The following LIMCH1 variants were observed in gnomAD, a reference collection of about 807,000 sequenced individuals.
LIMCH1 encodes the protein LIM and calponin homology domains 1.
LIMCH1 carries 113 observed loss-of-function variants against 176.5 expected under a neutral mutation model. That is an observed-to-expected ratio of 0.64 (90% CI 0.55 to 0.75). LIMCH1 has a LOEUF of 0.75. Among genes scored for constraint, LIMCH1 ranks in the 30% least tolerant of loss-of-function variants. The pLI is 0.00. For synonymous variants in LIMCH1, 619 were observed against 645.9 expected (o/e 0.96, Z 0.63); for missense variants, 1,674 against 1,814.9 (o/e 0.92, Z 1.41).
At chr4:41,465,892 A>G (rs946878263) in intron 1 of LIMCH1, among the ~76,000 whole-genome samples, 5 of 151,378 alleles carry the variant, frequency 3.3e-5, no homozygotes, top group Non-Finnish European at 7.4e-5. Context: ...TTCACACTAC[A>G]GTGGCAGTTG....
intron 18 of LIMCH1, among the ~76,000 whole-genome samples, chr4:41,653,440 A>C (rs1354685472): frequency 6.6e-6 from 1 of 151,976 alleles, no homozygotes; most frequent in Non-Finnish European, 1.5e-5. Context: ...ACCAGCTTGG[A>C]CTTCATTTTC....
intron 1 of LIMCH1, among the ~76,000 whole-genome samples, chr4:41,395,691 A>AT (rs891406834): frequency 4.6e-5 from 7 of 151,728 alleles, no homozygotes; most frequent in African/African-American, 4.8e-5. Context: ...TCTTGAGTGT[A>AT]TTTTTTTTCT....
chr4:41,453,224 C>T (rs948507406), intron 1 of LIMCH1, among the ~76,000 whole-genome samples: 2 of 151,988 alleles, frequency 1.3e-5, no homozygotes, highest in Admixed American at 6.6e-5. Context: ...TATGAGATAC[C>T]GTATATATAG....
At chr4:41,541,616 C>A (rs2078660132) in intron 1 of LIMCH1, among the ~76,000 whole-genome samples, 1 of 152,168 alleles carries the variant, frequency 6.6e-6, no homozygotes, top group South Asian at 2.1e-4. Context: ...GGTAAATCAC[C>A]AATGTGAATT....
chr4:41,476,072 A>G (rs2154163826), intron 1 of LIMCH1, among the ~76,000 whole-genome samples: 1 of 152,264 alleles, frequency 6.6e-6, no homozygotes, highest in Non-Finnish European at 1.5e-5. Flanking sequence ...CCTGGGCTCA[A>G]GTGATCCTCC....
chr4:41,564,891 C>T lies in LIMCH1; in HGVS notation c.-241+26541C>T, dbSNP rs186092669. On this transcript the variant is annotated intron_variant, in intron 1 of 31. Transcript: ENST00000503057. The stretch of plus-strand genomic sequence containing the variant: ...TTTATAAGGGGCTTCCGCCTTTACT[C>T]AGCACTCATTTCTCTCTCCTACTGC... Among the ~76,000 whole-genome samples the T allele has an allele frequency of 9.1e-4, 138 of 152,274 alleles. 4 individuals carry two copies. The highest frequency in any genetic ancestry group is 6.7e-3 in the Admixed American group (102 of 15,282).
At chr4:41,429,293 A>G (rs1223387988) in intron 1 of LIMCH1, among the ~76,000 whole-genome samples, 1 of 149,870 alleles carries the variant, frequency 6.7e-6, no homozygotes, top group Non-Finnish European at 1.5e-5. Context: ...TCTTTTTCTT[A>G]TTTGTGCTTC....
chr4:41,554,527 C>A (rs1277852099), intron 1 of LIMCH1, among the ~76,000 whole-genome samples: 3 of 152,146 alleles, frequency 2.0e-5, no homozygotes, highest in Non-Finnish European at 2.9e-5. Context: ...CCAGTAAAAA[C>A]TGCAGGGGAA....
chr4:41,524,490 G>C, intron 3 of LIMCH1: 1 of 1,593,726 alleles, frequency 6.3e-7, no homozygotes, highest in Non-Finnish European at 8.6e-7. Context: ...TGAGTACGTG[G>C]AATTGAGATT....
At chr4:41,416,663 CA>C (rs78666210) in intron 1 of LIMCH1, among the ~76,000 whole-genome samples, 79,152 of 130,098 alleles carry the variant, frequency 0.61, 24,501 homozygotes, top group East Asian at 0.81. Flanking sequence ...ATCTCAAAAA[CA>C]AAAAAAAAAA....
At chr4:41,479,089 C>G (rs1476774490) in intron 1 of LIMCH1, among the ~76,000 whole-genome samples, 1 of 152,102 alleles carries the variant, frequency 6.6e-6, no homozygotes, top group Non-Finnish European at 1.5e-5. Context: ...CTAGTTTCAA[C>G]AATTGTTAGA....
intron 29 of LIMCH1, among the ~76,000 whole-genome samples, chr4:41,688,362 A>G (rs1722609472): frequency 1.3e-5 from 2 of 152,228 alleles, no homozygotes; most frequent in Non-Finnish European, 2.9e-5. Context: ...ACTTCTGGAC[A>G]TTAGCTGGGC....
intron 2 of LIMCH1, among the ~76,000 whole-genome samples, chr4:41,508,145 G>A (rs2074406186): frequency 6.6e-6 from 1 of 152,182 alleles, no homozygotes; most frequent in Non-Finnish European, 1.5e-5. Context: ...TGGGGCAATG[G>A]TATGAGATCA....
At chr4:41,697,072 G>A (rs1214374395) in intron 31 of LIMCH1, 88 bp from the exon 32 acceptor site, 3 of 1,344,280 alleles carry the variant, frequency 2.2e-6, no homozygotes, top group Non-Finnish European at 3.2e-6. Context: ...TTTGGTAAAG[G>A]CAGTTGCTCA....
In LIMCH1 at chr4:41,538,296, C is replaced by T; in HGVS notation, c.-295C>T. On this transcript the variant is annotated 5_prime_UTR_variant, in exon 1 of 32. Transcript: ENST00000503057. ...GAGCACACAGGAGAGATGCCCCTCC[C>T]ATCTCCCAGAGTGGGTTGGCTGGAG... 1 of 985,416 alleles carries T rather than the reference C, an allele frequency of 1.0e-6. No individual in the cohort carries two copies. Among genetic ancestry groups the T allele is most frequent in the Non-Finnish European group, 1.2e-6 (1 of 829,944 alleles). The allele number at this position is 985,416 out of a possible 1,614,324, so 61.0% of individuals were successfully genotyped here.
chr4:41,635,611 C>T (rs1248137268), intron 13 of LIMCH1, among the ~76,000 whole-genome samples: 2 of 152,146 alleles, frequency 1.3e-5, no homozygotes, highest in Non-Finnish European at 2.9e-5. Context: ...GAGGAATGGT[C>T]AGGTGAACTA....
chr4:41,446,366 T>G (rs1217493601), intron 1 of LIMCH1, among the ~76,000 whole-genome samples: 1 of 152,198 alleles, frequency 6.6e-6, no homozygotes, highest in East Asian at 1.9e-4. Flanking sequence ...TTTGTTAAAA[T>G]AGATCAAAGA....
intron 1 of LIMCH1, among the ~76,000 whole-genome samples, chr4:41,380,959 G>T (rs2055574024): frequency 6.6e-6 from 1 of 152,158 alleles, no homozygotes; most frequent in South Asian, 2.1e-4. Flanking sequence ...CTTATTTTCT[G>T]CACTGAATCA....
intron 1 of LIMCH1, among the ~76,000 whole-genome samples, chr4:41,464,299 T>G (rs996089525): frequency 3.3e-5 from 5 of 151,824 alleles, no homozygotes; most frequent in South Asian, 4.2e-4. Context: ...CTTCCCTCTT[T>G]ACTTCCTTAC....
Sources: allele counts gnomAD v4.1 joint callset (sites outside exome capture counted in the v4.1 genomes callset), GRCh38; gene constraint gnomAD v4.1.1; transcripts MANE v1.5; gene names NCBI Gene and HGNC (gene_info 2026-07-23, HGNC 2026-07-21).